Variants in GFOD1 observed in about 807,000 individuals in gnomAD.
GFOD1 encodes the protein Gfo/Idh/MocA-like oxidoreductase domain containing 1.
A neutral mutation model predicts 25.4 loss-of-function variants in GFOD1; 9 were observed. That is an observed-to-expected ratio of 0.35 (90% CI 0.21 to 0.62). The LOEUF is 0.62. Among genes scored for constraint, GFOD1 ranks in the 20% least tolerant of loss-of-function variants. The probability of loss-of-function intolerance (pLI) is 0.72; values close to 1 mark genes in which losing one functional copy is unlikely to be tolerated. For synonymous variants in GFOD1, 253 were observed against 245.6 expected, an observed-to-expected ratio of 1.03 and a Z score of -0.28; for missense variants, 403 against 556.9, an observed-to-expected ratio of 0.72 and a Z score of 2.78.
At chr6:13,485,924 A>G (rs928985185) in intron 1 of GFOD1, 2 of 642,382 alleles carry the variant, frequency 3.1e-6, no homozygotes, top group Non-Finnish European at 3.9e-6. Flanking sequence ...CCCTGGTTTT[A>G]CCAAATCAGT....
intron 1 of GFOD1, among the ~76,000 whole-genome samples, chr6:13,446,775 T>C (rs1278488621): frequency 6.6e-6 from 1 of 152,226 alleles, no homozygotes; most frequent in Non-Finnish European, 1.5e-5. Flanking sequence ...TCATCTGTCC[T>C]GCTGATGGTG....
chr6:13,455,548 G>A (rs908706504), intron 1 of GFOD1, among the ~76,000 whole-genome samples: 5 of 152,214 alleles, frequency 3.3e-5, no homozygotes, highest in Non-Finnish European at 7.3e-5. Flanking sequence ...GCCTAAAACT[G>A]CAGGCAAAGG....
chr6:13,465,392 A>G (rs1183565203), intron 1 of GFOD1, among the ~76,000 whole-genome samples: 1 of 152,216 alleles, frequency 6.6e-6, no homozygotes. Context: ...TCCATGAACC[A>G]GCAGCATCAG....
chr6:13,384,762 T>C (rs772566768), intron 1 of GFOD1, among the ~76,000 whole-genome samples: 3 of 152,216 alleles, frequency 2.0e-5, no homozygotes, highest in Non-Finnish European at 4.4e-5. Context: ...TAAATCCATT[T>C]TTCTGAGCTC....
intron 1 of GFOD1, among the ~76,000 whole-genome samples, chr6:13,467,514 T>G (rs1278769927): frequency 6.6e-6 from 1 of 152,142 alleles, no homozygotes; most frequent in African/African-American, 2.4e-5. Context: ...CTAAAACTGC[T>G]AACCATTTAT....
At chr6:13,448,473 C>T (rs1429684210) in intron 1 of GFOD1, among the ~76,000 whole-genome samples, 1 of 152,140 alleles carries the variant, frequency 6.6e-6, no homozygotes, top group African/African-American at 2.4e-5. Flanking sequence ...AAGTGGCTGG[C>T]CAATGGTTTC....
intron 1 of GFOD1, among the ~76,000 whole-genome samples, chr6:13,450,581 C>T (rs757922544): frequency 2.1e-4 from 32 of 152,264 alleles, no homozygotes; most frequent in South Asian, 4.2e-4. Context: ...TCACACTGGA[C>T]GTGCTTAACT....
In GFOD1 at chr6:13,486,904, C is replaced by G. The variant is rs1350647022; in HGVS notation, c.-14G>C. The G allele has an allele frequency of 6.2e-7, 1 of 1,605,044 alleles. No homozygotes were observed. The highest frequency in any genetic ancestry group is 2.2e-5 in the East Asian group (1 of 44,858). Reference sequence around the variant, plus strand: ...CCCGGGAAGCATGGCTGCTCAGAGCCGCCTGGTTCTGCTTCTGCTCGGATC... The same window carrying G: ...CCCGGGAAGCATGGCTGCTCAGAGCGGCCTGGTTCTGCTTCTGCTCGGATC... On this transcript the variant is annotated 5_prime_UTR_variant, in exon 1 of 2. Coordinates refer to ENST00000379287, the MANE Select transcript of GFOD1 (RefSeq NM_018988.4).
chr6:13,418,416 T>A (rs1272924278), intron 1 of GFOD1, among the ~76,000 whole-genome samples: 1 of 152,260 alleles, frequency 6.6e-6, no homozygotes, highest in Non-Finnish European at 1.5e-5. Context: ...TTGCAGAATA[T>A]GCAGCCATCA....
Position 13,365,846 on chromosome 6 carries a change from G to A in GFOD1, c.254-184C>T, listed in dbSNP as rs1482418750. The stretch of plus-strand genomic sequence containing the variant: ...GAGGCCTTGAGCCCAGGAGTTGGAG[G>A]CCAGCCTGGGTAACACAGAGAGATC... On this transcript the variant is annotated intron_variant, in intron 1 of 1. Coordinates refer to ENST00000379287, the MANE Select transcript of GFOD1 (RefSeq NM_018988.4). This position sits in a 1 kb window ranked among gnomAD's most constrained non-coding sequence, Gnocchi z 9.2. Among the ~76,000 whole-genome samples the A allele has an allele frequency of 2.0e-5, 3 of 150,498 alleles. No homozygotes were observed. Among genetic ancestry groups the A allele is most frequent in the Non-Finnish European group, 3.0e-5 (2 of 67,740 alleles).
Position 13,392,122 on chromosome 6 carries a change from G to A in GFOD1, c.254-26460C>T, listed in dbSNP as rs372027240. ...GCTCATGCCTGTAATCCCAGCTCAG[G>A]AGGCTGAGGTGGACAGATCCCTTGG... On this transcript the variant is annotated intron_variant, in intron 1 of 1. Transcript: ENST00000379287. Among the ~76,000 whole-genome samples, 93 of 152,200 alleles carry A rather than the reference G, an allele frequency of 6.1e-4. 1 individual carries two copies. In the South Asian group the frequency reaches 0.018, roughly 30 times the overall value.
At chr6:13,373,590 A>G (rs1287326472) in intron 1 of GFOD1, among the ~76,000 whole-genome samples, 1 of 152,168 alleles carries the variant, frequency 6.6e-6, no homozygotes, top group East Asian at 1.9e-4. Context: ...GCATATGAAC[A>G]GAGCTATTTA....
At chr6:13,484,265 C>T (rs2127580337) in intron 1 of GFOD1, among the ~76,000 whole-genome samples, 1 of 152,238 alleles carries the variant, frequency 6.6e-6, no homozygotes, top group South Asian at 2.1e-4. Flanking sequence ...ATTCAAAGTC[C>T]AGGCCTTTGC....
intron 1 of GFOD1, among the ~76,000 whole-genome samples, chr6:13,444,926 A>G (rs1163562417): frequency 6.6e-6 from 1 of 152,262 alleles, no homozygotes; most frequent in Non-Finnish European, 1.5e-5. Flanking sequence ...TTAATTAAAA[A>G]CATAAAAATT....
At chr6:13,409,314 A>AG (rs1275988321) in intron 1 of GFOD1, among the ~76,000 whole-genome samples, 1 of 131,610 alleles carries the variant, frequency 7.6e-6, no homozygotes, top group Non-Finnish European at 1.7e-5. Context: ...GGAAGGAAGG[A>AG]AGAAAGGAAG....
Position 13,358,003 on chromosome 6 carries a change from G to A in GFOD1, c.*6740C>T, listed in dbSNP as rs977559803. 6.6e-6 allele frequency: 1 copy of A among 152,390 alleles called. No individual in the cohort carries two copies. The highest frequency in any genetic ancestry group is 1.9e-4 in the East Asian group (1 of 5,188). 9.4% of individuals were successfully genotyped at this position (152,390 alleles called of 1,614,324 possible). On this transcript the variant is annotated 3_prime_UTR_variant, in exon 2 of 2. Transcript: ENST00000379287. ...AGAGATCACAACGGGCATCAGCTCTGGAGCTCCTAGCGGCAGGCACAGGGC... is the reference window on the plus strand; with the variant it reads ...AGAGATCACAACGGGCATCAGCTCTAGAGCTCCTAGCGGCAGGCACAGGGC...
At chr6:13,453,231 C>T (rs1758128700) in intron 1 of GFOD1, among the ~76,000 whole-genome samples, 1 of 152,180 alleles carries the variant, frequency 6.6e-6, no homozygotes, top group African/African-American at 2.4e-5. Context: ...GCTTCCAGGT[C>T]GATCCAGGTG....
At chr6:13,420,126 TGG>T (rs1786228947) in intron 1 of GFOD1, among the ~76,000 whole-genome samples, 1 of 151,110 alleles carries the variant, frequency 6.6e-6, no homozygotes, top group African/African-American at 2.5e-5. Flanking sequence ...CTGGCTCGCA[TGG>T]GATCCGTGCC....
chr6:13,457,284 AG>A (rs1758205871), intron 1 of GFOD1, among the ~76,000 whole-genome samples: 1 of 152,220 alleles, frequency 6.6e-6, no homozygotes, highest in South Asian at 2.1e-4. Flanking sequence ...GATGGTGTCT[AG>A]AAAGTTCTAC....
Sources: gnomAD v4.1 joint callset for allele counts (sites outside exome capture counted in the v4.1 genomes callset) on GRCh38, gnomAD v4.1.1 for gene constraint, Gnocchi (gnomAD v3.1) non-coding constraint, MANE v1.5 for transcripts, NCBI Gene and HGNC (gene_info 2026-07-23, HGNC 2026-07-21) for gene names.